ETNK1: variants seen among roughly 807,000 people sequenced by gnomAD.
ETNK1 encodes ethanolamine kinase 1.
ETNK1 carries 8 observed loss-of-function variants against 45.1 expected under a neutral mutation model. The ratio of observed to expected loss-of-function variants is 0.18; its 90% CI spans 0.10 to 0.32. The LOEUF (loss-of-function observed/expected upper bound fraction) is 0.32, where lower values mean the gene tolerates loss of function less well. ETNK1 is among the 10% of genes least tolerant of loss of function. The probability of loss-of-function intolerance (pLI) is 1.00; values close to 1 mark genes in which losing one functional copy is unlikely to be tolerated. For synonymous variants in ETNK1, 152 were observed against 151.9 expected (o/e 1.00, Z -0.01); for missense variants, 302 against 430.6 (o/e 0.70, Z 2.64).
intron 1 of ETNK1, among the ~76,000 whole-genome samples, chr12:22,640,869 C>A (rs1435059469): frequency 6.6e-6 from 1 of 152,022 alleles, no homozygotes; most frequent in Admixed American, 6.6e-5. Flanking sequence ...CAGGATAAAC[C>A]CCATTAAAAG....
chr12:22,660,621 C>T (rs1953990114), intron 3 of ETNK1, among the ~76,000 whole-genome samples: 1 of 152,038 alleles, frequency 6.6e-6, no homozygotes, highest in African/African-American at 2.4e-5. Context: ...ATTGCATTCA[C>T]CCTTTCAACC....
chr12:22,670,372 T>G (rs1437163147), intron 4 of ETNK1, among the ~76,000 whole-genome samples: 1 of 89,680 alleles, frequency 1.1e-5, no homozygotes, highest in Non-Finnish European at 3.2e-5. Context: ...CACATTGATT[T>G]TTTTTTTTTT....
At chr12:22,654,577 G>T (rs1287630641) in intron 2 of ETNK1, among the ~76,000 whole-genome samples, 1 of 152,126 alleles carries the variant, frequency 6.6e-6, no homozygotes, top group East Asian at 1.9e-4. Context: ...TAAGATAACT[G>T]ACTCTAATTT....
intron 5 of ETNK1, among the ~76,000 whole-genome samples, chr12:22,673,083 G>A (rs1056359004): frequency 6.6e-6 from 1 of 151,968 alleles, no homozygotes; most frequent in African/African-American, 2.4e-5. Context: ...GTGACTGAAC[G>A]AGATTCCGTC....
chr12:22,669,230 T>A (rs1230043044), intron 4 of ETNK1, among the ~76,000 whole-genome samples: 1 of 152,154 alleles, frequency 6.6e-6, no homozygotes, highest in Non-Finnish European at 1.5e-5. Context: ...TTTAGTCTTT[T>A]TACTGATAGT....
At chr12:22,631,552 ATTTC>A (rs1953581217) in intron 1 of ETNK1, among the ~76,000 whole-genome samples, 1 of 152,184 alleles carries the variant, frequency 6.6e-6, no homozygotes, top group Admixed American at 6.5e-5. Flanking sequence ...TGATAAATAT[ATTTC>A]TTCCTGTGTA....
intron 6 of ETNK1, chr12:22,682,367 A>G (rs1323961456): frequency 5.0e-6 from 2 of 400,212 alleles, no homozygotes; most frequent in Admixed American, 2.8e-5. Flanking sequence ...TAGTTGAGAA[A>G]ATGTCTGCCA....
chr12:22,643,170 T>C (rs1423401283), intron 1 of ETNK1, among the ~76,000 whole-genome samples: 2 of 152,086 alleles, frequency 1.3e-5, no homozygotes, highest in Non-Finnish European at 2.9e-5. Flanking sequence ...TTTTGTTAGA[T>C]AATCTTTAAA....
intron 4 of ETNK1, among the ~76,000 whole-genome samples, chr12:22,670,367 T>A (rs1954095976): frequency 7.5e-6 from 1 of 132,604 alleles, no homozygotes. Flanking sequence ...TGACCCACAT[T>A]GATTTTTTTT....
intron 2 of ETNK1, among the ~76,000 whole-genome samples, chr12:22,645,479 C>A (rs999743935): frequency 6.6e-6 from 1 of 151,752 alleles, no homozygotes; most frequent in African/African-American, 2.4e-5. Context: ...GTAAAAATAT[C>A]CTTTTCTATA....
intron 1 of ETNK1, among the ~76,000 whole-genome samples, chr12:22,626,970 A>T (rs1456437356): frequency 3.3e-5 from 5 of 152,138 alleles, no homozygotes; most frequent in African/African-American, 1.2e-4. Flanking sequence ...GTTTTCTGGC[A>T]GTCACTTATA....
rs1045580756 is a variant in ETNK1, at chr12:22,689,413, T to G, written c.*4459T>G. 1 of 152,014 alleles carries G rather than the reference T, an allele frequency of 6.6e-6. No individual in the cohort carries two copies. Among genetic ancestry groups the G allele is most frequent in the African/African-American group, 2.4e-5 (1 of 41,454 alleles). 9.4% of individuals were successfully genotyped at this position (152,014 alleles called of 1,614,324 possible). On this transcript the variant is annotated 3_prime_UTR_variant, in exon 8 of 8. Transcript: ENST00000266517. ...TTGTATCTGTATTCATTGTGAATCCTGTAGCTTTTCTAGTTAACAAAAAAT... is the reference window on the plus strand; with the variant it reads ...TTGTATCTGTATTCATTGTGAATCCGGTAGCTTTTCTAGTTAACAAAAAAT...
chr12:22,664,691 T>C (rs11046525), intron 4 of ETNK1, among the ~76,000 whole-genome samples: 36,520 of 152,068 alleles, frequency 0.24, 5,124 homozygotes, highest in Non-Finnish European at 0.33. Context: ...ATAAATGCCA[T>C]GTTGAGTCTT....
At chr12:22,677,369 A>G (rs1350247299) in intron 6 of ETNK1, among the ~76,000 whole-genome samples, 7 of 152,152 alleles carry the variant, frequency 4.6e-5, no homozygotes, top group African/African-American at 9.7e-5. Flanking sequence ...ATTGATCTAT[A>G]TATCTGTTTT....
rs527449143 is a variant in ETNK1 at position 22,636,004 on chromosome 12, C to T, written c.157-7759C>T. The stretch of plus-strand genomic sequence containing the variant: ...ATTAGTCTGGCCAACCCTGTCTCTA[C>T]AAAAAAAATGCAAAAAGTTAGTGGT... On this transcript the variant is annotated intron_variant, in intron 1 of 7. Transcript: ENST00000266517. Among the ~76,000 whole-genome samples, 7 of 151,714 alleles carry T rather than the reference C, an allele frequency of 4.6e-5. No individual in the cohort carries two copies. The East Asian group carries it at 1.4e-3, about 29-fold the overall frequency.
chr12:22,658,080 C>T (rs1953961917), intron 2 of ETNK1, among the ~76,000 whole-genome samples: 1 of 152,048 alleles, frequency 6.6e-6, no homozygotes, highest in South Asian at 2.1e-4. Context: ...TCGTTAGTAC[C>T]TAAGCCTGTG....
In ETNK1 at chr12:22,680,291, T is replaced by G. The variant is rs148448960; in HGVS notation, c.946-4192T>G. 2.6e-4 allele frequency among the ~76,000 whole-genome samples: 40 copies of G among 152,340 alleles called. 1 individual carries two copies. In the East Asian group the frequency reaches 7.5e-3, roughly 29 times the overall value. ...ACTGGTCTCTTTGCCTTCAGTTTTTTTTGTTGTTGTTTTGTTTTTCCTGTC... is the reference window on the plus strand; with the variant it reads ...ACTGGTCTCTTTGCCTTCAGTTTTTGTTGTTGTTGTTTTGTTTTTCCTGTC... On this transcript the variant is annotated intron_variant, in intron 6 of 7. Coordinates refer to ENST00000266517, the MANE Select transcript of ETNK1 (RefSeq NM_018638.5).
intron 3 of ETNK1, among the ~76,000 whole-genome samples, chr12:22,659,414 TAA>T (rs1470079186): frequency 6.6e-6 from 1 of 151,992 alleles, no homozygotes; most frequent in African/African-American, 2.4e-5. Context: ...CACTTAAAAA[TAA>T]AGAGTTAGGT....
chr12:22,626,546 A>G (rs1215258184), intron 1 of ETNK1, among the ~76,000 whole-genome samples: 1 of 152,226 alleles, frequency 6.6e-6, no homozygotes. Context: ...TGACTAATTT[A>G]TTCACCAATA....
Sources: allele counts gnomAD v4.1 joint callset (sites outside exome capture counted in the v4.1 genomes callset), GRCh38; gene constraint gnomAD v4.1.1; transcripts MANE v1.5; gene names NCBI Gene and HGNC (gene_info 2026-07-23, HGNC 2026-07-21).